Variants in RC3H2 observed in about 807,000 individuals in gnomAD.
RC3H2 encodes the protein ring finger and CCCH-type domains 2, also known as roquin-2.
Under a neutral mutation model 133.3 loss-of-function variants are expected in RC3H2, and 31 were observed. The ratio of observed to expected loss-of-function variants is 0.23; its 90% confidence interval spans 0.17 to 0.31. The LOEUF is 0.31. RC3H2 is among the 10% of genes least tolerant of loss of function. The probability of loss-of-function intolerance (pLI) is 1.00; values close to 1 mark genes in which losing one functional copy is unlikely to be tolerated. For synonymous variants in RC3H2, 517 were observed against 502.2 expected (o/e 1.03, Z -0.40); for missense variants, 1,175 against 1,437.2 (o/e 0.82, Z 2.95).
At chr9:122,868,741 AAAATAAATAAAT>A (rs201602026) in intron 9 of RC3H2, among the ~76,000 whole-genome samples, 5 of 151,662 alleles carry the variant, frequency 3.3e-5, no homozygotes, top group Middle Eastern at 3.2e-3. Context: ...TGATCAATAA[AAAATAAATAAAT>A]AAATAAATAA....
chr9:122,883,897 A>G (rs1451766216), intron 4 of RC3H2, among the ~76,000 whole-genome samples: 3 of 152,138 alleles, frequency 2.0e-5, no homozygotes, highest in Non-Finnish European at 4.4e-5. Context: ...TGGAGGCGGA[A>G]GTGGAGGATC....
chr9:122,866,251 TCTGATA>T (rs1830648689), intron 9 of RC3H2, among the ~76,000 whole-genome samples: 1 of 152,260 alleles, frequency 6.6e-6, no homozygotes, highest in Non-Finnish European at 1.5e-5. Context: ...GAAAGATTTT[TCTGATA>T]CTAAGTTTTG....
intron 9 of RC3H2, among the ~76,000 whole-genome samples, chr9:122,869,754 G>A (rs183753482): frequency 6.6e-6 from 1 of 152,066 alleles, no homozygotes; most frequent in African/African-American, 2.4e-5. Flanking sequence ...ATTTTTAGTA[G>A]AGATGGGGTT....
chr9:122,871,297 T>C (rs1831076476), intron 9 of RC3H2, among the ~76,000 whole-genome samples: 1 of 151,990 alleles, frequency 6.6e-6, no homozygotes, highest in Admixed American at 6.5e-5. Flanking sequence ...TCAAATGTTG[T>C]ATCTTCTTTT....
intron 11 of RC3H2, among the ~76,000 whole-genome samples, 174 bp downstream of exon 11, chr9:122,859,743 G>A (rs1016038064): frequency 1.3e-5 from 2 of 152,090 alleles, no homozygotes; most frequent in African/African-American, 4.8e-5. Context: ...TTGTAGGAAT[G>A]ACAACCTTAA....
rs748105387 is a variant in RC3H2 at position 122,865,448 on chromosome 9, T to G, written c.1535A>C (p.Asp512Ala). Residue 512 changes from aspartate to alanine, a missense_variant, in exon 10 of 21, where the codon GAC (aspartate) becomes GCC (alanine). By Grantham distance (126) the Asp-to-Ala change is moderately radical. Transcript: ENST00000357244. Reference protein sequence around the residue: ...SVSQLISRSTDSTLRALETVK... With the variant: ...SVSQLISRSTASTLRALETVK... ...GGTCTCCAGAGCTCTTAAGGTACTG[T>G]CAGTACTACGTGAGATTAGCTGGGA... 4 of 1,614,230 alleles carry G rather than the reference T, an allele frequency of 2.5e-6. No homozygotes were observed. In the South Asian group the frequency reaches 4.4e-5, roughly 18 times the overall value.
At chr9:122,856,189 T>A (rs1265995981) in intron 13 of RC3H2, among the ~76,000 whole-genome samples, 2 of 151,872 alleles carry the variant, frequency 1.3e-5, no homozygotes, top group African/African-American at 2.4e-5. Flanking sequence ...AAAAAAAAAG[T>A]AAGAGAAAAC....
intron 18 of RC3H2, among the ~76,000 whole-genome samples, chr9:122,852,294 C>T (rs1255218285): frequency 6.0e-5 from 9 of 149,544 alleles, no homozygotes; most frequent in South Asian, 2.1e-4. Flanking sequence ...GGAGCCTCTC[C>T]GCCCGGCAGC....
intron 10 of RC3H2, among the ~76,000 whole-genome samples, chr9:122,862,576 A>G (rs1830497598): frequency 6.6e-6 from 1 of 152,184 alleles, no homozygotes; most frequent in Non-Finnish European, 1.5e-5. Flanking sequence ...ACTGTGTTCC[A>G]ATAAAAATTT....
chr9:122,879,226 T>G (rs1685380561), intron 8 of RC3H2, among the ~76,000 whole-genome samples: 3 of 151,528 alleles, frequency 2.0e-5, no homozygotes. Context: ...TAAAACCCTC[T>G]CTACAAAAAA....
In RC3H2 at chr9:122,884,670, T is replaced by A. The variant is rs1401464673; in HGVS notation, c.584-1291A>T. On this transcript the variant is annotated intron_variant, in intron 4 of 20. Transcript: ENST00000357244. ...GAGTTCGAGACCATCCTGGCCAACATGGTGAAACCCCATCTCTATTAAAAA... is the reference window on the plus strand; with the variant it reads ...GAGTTCGAGACCATCCTGGCCAACAAGGTGAAACCCCATCTCTATTAAAAA... 3.9e-5 allele frequency among the ~76,000 whole-genome samples: 6 copies of A among 152,076 alleles called. No individual in the cohort carries two copies. In the East Asian group the frequency reaches 1.2e-3, roughly 29 times the overall value.
At chr9:122,891,526 T>C (rs1832171620) in intron 3 of RC3H2, among the ~76,000 whole-genome samples, 1 of 152,216 alleles carries the variant, frequency 6.6e-6, no homozygotes, top group African/African-American at 2.4e-5. Flanking sequence ...ACTTGCTAAA[T>C]TGGTTAAATT....
At chr9:122,887,741 CTTTTT>C (rs112010654) in intron 4 of RC3H2, among the ~76,000 whole-genome samples, 1 of 118,056 alleles carries the variant, frequency 8.5e-6, no homozygotes, top group African/African-American at 3.2e-5. Flanking sequence ...ATACTTGTAT[CTTTTT>C]TTTTTTTTTT....
intron 9 of RC3H2, among the ~76,000 whole-genome samples, chr9:122,876,817 A>G (rs1407901867): frequency 1.3e-5 from 2 of 152,170 alleles, no homozygotes; most frequent in Non-Finnish European, 2.9e-5. Context: ...GGGGTTAACC[A>G]TAGGAGAAGA....
rs1830396557 is a variant in RC3H2, at chr9:122,860,024, G to A, written c.1742C>T (p.Pro581Leu). The A allele has an allele frequency of 1.2e-6, 2 of 1,614,052 alleles. No individual in the cohort carries two copies. Among genetic ancestry groups the A allele is most frequent in the African/African-American group, 1.3e-5 (1 of 74,994 alleles). Residue 581 changes from proline (P) to leucine (L), a missense_variant, in exon 11 of 21, where the codon CCA becomes CTA. This residue lies in a region of RC3H2 where 490 missense variants were observed against 492.8 expected (regional missense o/e 0.99). Coordinates refer to ENST00000357244, the MANE Select transcript of RC3H2 (RefSeq NM_001100588.3). Reference sequence around the variant, plus strand: ...ATATACTGGTACTCTAGTTAGAAATGGGCTGGATTTTTGAGGCACAGAATT... The same window carrying A: ...ATATACTGGTACTCTAGTTAGAAATAGGCTGGATTTTTGAGGCACAGAATT... ...ELNSVPQKSSPFLTRVPVYPP... is the reference protein window; with the variant it reads ...ELNSVPQKSSLFLTRVPVYPP...
intron 13 of RC3H2, among the ~76,000 whole-genome samples, chr9:122,857,179 T>C (rs549744090): frequency 1.2e-4 from 18 of 152,226 alleles, no homozygotes; most frequent in Non-Finnish European, 2.5e-4. Context: ...ATTCTCTCTA[T>C]ACTTGTATAT....
intron 13 of RC3H2, among the ~76,000 whole-genome samples, chr9:122,857,478 C>T (rs1246420902): frequency 6.6e-6 from 1 of 152,140 alleles, no homozygotes; most frequent in Non-Finnish European, 1.5e-5. Flanking sequence ...ATTCATATCC[C>T]AGCTATTTAC....
In RC3H2 at chr9:122,865,386, T is replaced by C; in HGVS notation, c.1597A>G (p.Asn533Asp). 1 of 1,613,690 alleles carries C rather than the reference T, an allele frequency of 6.2e-7. No homozygotes were observed. Among genetic ancestry groups the C allele is most frequent in the Non-Finnish European group, 8.5e-7 (1 of 1,179,556 alleles). The change falls in exon 10 of 21, where the codon AAT becomes GAT. Residue 533 changes from asparagine to aspartate, a missense_variant. Physicochemically the swap from Asn to Asp is conservative, Grantham distance 23. This residue lies in a region of RC3H2 where 490 missense variants were observed against 492.8 expected (regional missense o/e 0.99). Transcript: ENST00000357244. ...GAATCTGCAGAGGGCCCAGCAGCATTCTGACCATTAGCGCCAACCTTTCCC... is the reference window on the plus strand; with the variant it reads ...GAATCTGCAGAGGGCCCAGCAGCATCCTGACCATTAGCGCCAACCTTTCCC... ...KVGKVGANGQ[N>D]AAGPSADSVT...
intron 1 of RC3H2, among the ~76,000 whole-genome samples, chr9:122,898,688 G>A (rs1230603991): frequency 6.7e-6 from 1 of 149,786 alleles, no homozygotes; most frequent in African/African-American, 2.5e-5. Flanking sequence ...GGCGGAGATT[G>A]CAGTGAGCCG....
Sources: allele counts gnomAD v4.1 joint callset (sites outside exome capture counted in the v4.1 genomes callset), GRCh38; gene constraint gnomAD v4.1.1; regional missense constraint gnomAD v4.1.1; transcripts MANE v1.5; gene names NCBI Gene and HGNC (gene_info 2026-07-23, HGNC 2026-07-21).